Variants in GFRA2 observed in about 807,000 individuals in gnomAD.
The protein encoded by GFRA2 is GDNF family receptor alpha 2.
A neutral mutation model predicts 48.3 loss-of-function variants in GFRA2; 17 were observed. That is an observed-to-expected ratio of 0.35 (90% CI 0.24 to 0.53). GFRA2 has a LOEUF of 0.53. GFRA2 is among the 20% of genes least tolerant of loss of function. GFRA2 has a pLI of 0.93. For synonymous variants in GFRA2, 305 were observed against 257.2 expected, an observed-to-expected ratio of 1.19 and a Z score of -1.78; for missense variants, 660 against 637.3, an observed-to-expected ratio of 1.04 and a Z score of -0.38.
chr8:21,765,818 G>C (rs537724994), intron 3 of GFRA2, among the ~76,000 whole-genome samples: 4 of 152,162 alleles, frequency 2.6e-5, no homozygotes, highest in African/African-American at 9.6e-5. Flanking sequence ...GGCACAAGCA[G>C]CTTCACTGTT....
chr8:21,732,948 G>A (rs761765068), intron 4 of GFRA2, among the ~76,000 whole-genome samples: 7 of 152,150 alleles, frequency 4.6e-5, no homozygotes, highest in Non-Finnish European at 1.0e-4. Flanking sequence ...GGGAGGCCAG[G>A]GGTGCCAAGA....
At chr8:21,704,335 G>C (rs889151851) in intron 6 of GFRA2, among the ~76,000 whole-genome samples, 2 of 152,180 alleles carry the variant, frequency 1.3e-5, no homozygotes, top group African/African-American at 4.8e-5. Context: ...CCCCCGCCCA[G>C]AGCAGCTCAC....
chr8:21,791,066 C>T (rs1183756970), upstream of GFRA2, among the ~76,000 whole-genome samples: 1 of 152,154 alleles, frequency 6.6e-6, no homozygotes, highest in Non-Finnish European at 1.5e-5. Flanking sequence ...AAGGACCCTG[C>T]TCCAAACTCC....
At chr8:21,810,293 A>G (rs548504754) in intron 1 of GFRA2, among the ~76,000 whole-genome samples, 1 of 151,946 alleles carries the variant, frequency 6.6e-6, no homozygotes, top group Non-Finnish European at 1.5e-5. Flanking sequence ...ACAACATGCA[A>G]TCCTTCCCCA....
chr8:21,709,309 C>T (rs769434932), intron 4 of GFRA2, among the ~76,000 whole-genome samples: 24 of 152,240 alleles, frequency 1.6e-4, no homozygotes, highest in Non-Finnish European at 3.2e-4. Context: ...GCTACACACA[C>T]ATAGCCTGGA....
intron 1 of GFRA2, among the ~76,000 whole-genome samples, chr8:21,787,615 G>C (rs1183218947): frequency 1.3e-5 from 2 of 152,132 alleles, no homozygotes; most frequent in Non-Finnish European, 2.9e-5. Flanking sequence ...AGCGCTCCCC[G>C]CGCGATGTCC....
At chr8:21,741,614 C>A (rs970290917) in intron 4 of GFRA2, among the ~76,000 whole-genome samples, 3 of 152,074 alleles carry the variant, frequency 2.0e-5, no homozygotes, top group Admixed American at 6.6e-5. Context: ...AGTGGGCACA[C>A]AACAAACAGC....
chr8:21,702,765 G>A (rs371837625), intron 7 of GFRA2, 40 bp downstream of exon 7: 202 of 1,533,052 alleles, frequency 1.3e-4, no homozygotes, highest in Non-Finnish European at 1.6e-4. Flanking sequence ...CACTTCCGGT[G>A]CCATGGTGCT....
chr8:21,735,660 G>C (rs565199715), intron 4 of GFRA2, among the ~76,000 whole-genome samples: 1 of 152,142 alleles, frequency 6.6e-6, no homozygotes, highest in African/African-American at 2.4e-5. Flanking sequence ...GCTCATTGTT[G>C]TGTTGTTTTC....
intron 4 of GFRA2, among the ~76,000 whole-genome samples, chr8:21,719,125 C>T (rs1314446832): frequency 1.3e-5 from 2 of 152,092 alleles, no homozygotes; most frequent in African/African-American, 2.4e-5. Context: ...GGCTGGAGCA[C>T]TGAACCCCAG....
intron 3 of GFRA2, among the ~76,000 whole-genome samples, chr8:21,757,073 C>T (rs554639262): frequency 2.0e-5 from 3 of 152,234 alleles, no homozygotes; most frequent in African/African-American, 4.8e-5. Context: ...CTAGGGGACA[C>T]TCTGGCTTCT....
At chr8:21,751,312 C>G (rs1416780991) in intron 3 of GFRA2, among the ~76,000 whole-genome samples, 1 of 152,176 alleles carries the variant, frequency 6.6e-6, no homozygotes, top group South Asian at 2.1e-4. Context: ...CAGCGTCATA[C>G]AACGAGGGGG....
Position 21,693,174 on chromosome 8 carries a change from T to C in GFRA2, c.*104A>G. ...CAGCGACAAGGTGGGAAAAACAATTTTTTTTTTGCAAGGTGTGTGTGTGTC... is the reference window on the plus strand; with the variant it reads ...CAGCGACAAGGTGGGAAAAACAATTCTTTTTTTGCAAGGTGTGTGTGTGTC... On this transcript the variant is annotated 3_prime_UTR_variant, in exon 9 of 9. Coordinates refer to ENST00000524240, the MANE Select transcript of GFRA2 (RefSeq NM_001495.5). 4.3e-6 allele frequency: 5 copies of C among 1,168,988 alleles called. No homozygotes were observed. Among genetic ancestry groups the C allele is most frequent in the Non-Finnish European group, 5.6e-6 (5 of 885,176 alleles). The allele number at this position is 1,168,988 out of a possible 1,614,324, so 72.4% of individuals were successfully genotyped here.
intron 2 of GFRA2, among the ~76,000 whole-genome samples, chr8:21,775,339 A>C (rs1806642381): frequency 6.6e-6 from 1 of 152,202 alleles, no homozygotes; most frequent in Non-Finnish European, 1.5e-5. Context: ...ACCACCCTGC[A>C]TGGCCAGCCC....
At chr8:21,716,717 T>C (rs749830391) in intron 4 of GFRA2, among the ~76,000 whole-genome samples, 6 of 152,164 alleles carry the variant, frequency 3.9e-5, no homozygotes, top group Admixed American at 3.3e-4. Context: ...ACGCCTCCAA[T>C]AATTTGCCCA....
In GFRA2 at chr8:21,705,053, C is replaced by A; in HGVS notation, c.977G>T (p.Arg326Leu). Residue 326 changes from arginine to leucine, a missense_variant, in exon 6 of 9, where the codon CGT becomes CTT. Physicochemically the swap from Arg to Leu is moderately radical, Grantham distance 102 (BLOSUM62 -2). Transcript: ENST00000524240. ...GIVVSPWCSC[R>L]GSGNMEEECE... ...CTCCTCCTCCATGTTCCCGCTGCCA[C>A]GACAGCTGCACCAGGGGGACACCAC... The A allele has an allele frequency of 1.9e-6, 3 of 1,610,940 alleles. No individual in the cohort carries two copies. The highest frequency in any genetic ancestry group is 2.5e-6 in the Non-Finnish European group (3 of 1,179,028).
At chr8:21,776,217 C>A (rs1328013230) in intron 2 of GFRA2, among the ~76,000 whole-genome samples, 1 of 152,034 alleles carries the variant, frequency 6.6e-6, no homozygotes, top group Non-Finnish European at 1.5e-5. Flanking sequence ...CATGTGGTCA[C>A]CCAGAGGCTG....
intron 3 of GFRA2, among the ~76,000 whole-genome samples, chr8:21,755,410 G>A (rs1168085106): frequency 6.6e-6 from 1 of 152,124 alleles, no homozygotes; most frequent in African/African-American, 2.4e-5. Flanking sequence ...CTACAAAAAT[G>A]GAGGCTGGGG....
intron 4 of GFRA2, among the ~76,000 whole-genome samples, chr8:21,720,088 C>A (rs1453839667): frequency 6.6e-6 from 1 of 152,192 alleles, no homozygotes; most frequent in African/African-American, 2.4e-5. Flanking sequence ...CCTCACAATC[C>A]ATGCAAACCC....
Sources: gnomAD v4.1 joint callset for allele counts (sites outside exome capture counted in the v4.1 genomes callset) on GRCh38, gnomAD v4.1.1 for gene constraint, MANE v1.5 for transcripts, NCBI Gene and HGNC (gene_info 2026-07-23, HGNC 2026-07-21) for gene names.